The following PLPPR3 variants were observed in gnomAD, a reference collection of about 807,000 sequenced individuals.
PLPPR3 encodes the protein phospholipid phosphatase-related protein type 3.
Under a neutral mutation model 27.3 loss-of-function variants are expected in PLPPR3, and 14 were observed. That is an observed-to-expected ratio of 0.51 (90% CI 0.34 to 0.80). The LOEUF is 0.80. PLPPR3 is among the 30% of genes least tolerant of loss of function. PLPPR3 has a pLI of 0.01. For missense variants in PLPPR3, 1,287 were observed against 1,056.9 expected, an observed-to-expected ratio of 1.22 and a Z score of -3.02; for synonymous variants, 671 against 508.0, an observed-to-expected ratio of 1.32 and a Z score of -4.32.
intron 2 of PLPPR3, among the ~76,000 whole-genome samples, chr19:821,008 C>T (rs746656164): frequency 4.6e-5 from 7 of 152,212 alleles, no homozygotes; most frequent in African/African-American, 1.4e-4. Context: ...AACACGTTTC[C>T]GTATTCTGTA....
upstream of PLPPR3, among the ~76,000 whole-genome samples, chr19:822,348 G>C (rs2035161735): frequency 6.6e-6 from 1 of 151,672 alleles, no homozygotes; most frequent in Admixed American, 6.6e-5. Flanking sequence ...TGTCTCTCAC[G>C]GTCTCTCGCC....
At position 813,302 on chromosome 19, in the gene PLPPR3, C is replaced by A; in HGVS notation, c.1425G>T (p.Arg475=). ...GGATGACCCGAGGCCCCAGCCCCGG[C>A]CGCGCCTGCACGGTGGGGTAGAGCG... The part of the protein sequence containing the change: ...PPSLYPTVQA[R]PGLGPRVILP... The change falls in exon 8 of 8, where the codon CGG becomes CGT. Residue 475 remains arginine (R), a synonymous_variant. Coordinates refer to ENST00000520876, the MANE Select transcript of PLPPR3 (RefSeq NM_001270366.2). The surrounding 1 kb of genome is among the most constrained non-coding windows in gnomAD (Gnocchi z 4.1). 1.4e-6 allele frequency: 2 copies of A among 1,459,578 alleles called. No homozygotes were observed. Among genetic ancestry groups the A allele is most frequent in the South Asian group, 1.4e-5 (1 of 73,056 alleles). 90.4% of individuals were successfully genotyped at this position (1,459,578 alleles called of 1,614,324 possible). A position where few individuals can be genotyped will look rare whatever the true frequency, so the allele number is the denominator to read the frequency against.
chr19:816,090 C>T (rs1180787245), intron 2 of PLPPR3, among the ~76,000 whole-genome samples: 1 of 152,080 alleles, frequency 6.6e-6, no homozygotes, highest in Non-Finnish European at 1.5e-5. Flanking sequence ...CACCTATGCC[C>T]CCAACATCCA....
intron 2 of PLPPR3, among the ~76,000 whole-genome samples, chr19:819,298 C>CGA (rs2035111070): frequency 1.7e-5 from 1 of 59,708 alleles, no homozygotes; most frequent in Non-Finnish European, 2.8e-5. Flanking sequence ...TTTTTTTTTC[C>CGA]GAGATGGAGT....
In PLPPR3 at chr19:813,515, G is replaced by A. The variant is rs1386873666; in HGVS notation, c.1212C>T (p.Ser404=). The change falls in exon 8 of 8, where the codon TCC becomes TCT. Residue 404 remains serine (S), a synonymous_variant. Transcript: ENST00000520876. This position sits in a 1 kb window ranked among gnomAD's most constrained non-coding sequence, Gnocchi z 4.1. ...GCTTCCACTCGCTGATGAGCTGCTT[G>A]GAGCGCGAGGCGTCCAGCGGCACGT... ...TIHVPLDASR[S]KQLISEWKQK... is the part of the protein sequence containing the mutation. 103 of 1,557,984 alleles carry A rather than the reference G, an allele frequency of 6.6e-5. No individual in the cohort carries two copies. The highest frequency in any genetic ancestry group is 5.1e-4 in the Middle Eastern group (3 of 5,830).
intron 2 of PLPPR3, 125 bp downstream of exon 2, chr19:821,360 G>A (rs2035141507): frequency 1.4e-6 from 1 of 736,184 alleles, no homozygotes; most frequent in South Asian, 2.2e-5. Flanking sequence ...GGACACCCCG[G>A]TCCTGCCCCG....
chr19:818,577 A>C (rs1599262343), intron 2 of PLPPR3, among the ~76,000 whole-genome samples: 2 of 150,584 alleles, frequency 1.3e-5, no homozygotes, highest in African/African-American at 4.9e-5. Flanking sequence ...TCTGTCGCCC[A>C]GGCTGGAGTG....
chr19:814,526 C>A lies in PLPPR3; in HGVS notation c.739G>T (p.Val247Leu). 6.2e-7 allele frequency: 1 copy of A among 1,611,674 alleles called. No homozygotes were observed. Among genetic ancestry groups the A allele is most frequent in the Non-Finnish European group, 8.5e-7 (1 of 1,179,930 alleles). The change falls in exon 7 of 8, where the codon GTA (valine) becomes TTA (leucine). Residue 247 changes from valine to leucine, a missense_variant. Transcript: ENST00000520876. ...LVFAFAIAAGVCGLTQITQYR... is the reference protein window; with the variant it reads ...LVFAFAIAAGLCGLTQITQYR... ...TGCGTGATCTGCGTGAGCCCGCATA[C>A]GCCCGCGGCGATGGCAAAGGCGAAG...
In PLPPR3 at chr19:813,391, C is replaced by G. The variant is rs1419193589; in HGVS notation, c.1336G>C (p.Glu446Gln). The change falls in exon 8 of 8, where the codon GAG becomes CAG. Residue 446 changes from glutamate (E) to glutamine (Q), a missense_variant. Glu to Gln is a conservative substitution (Grantham distance 29, BLOSUM62 2). Transcript: ENST00000520876. The surrounding 1 kb of genome is among the most constrained non-coding windows in gnomAD (Gnocchi z 4.1). ...TCCTCCTCTTCCTCTTCGTCCTCCT[C>G]CTCTTCCTCCTCCTCCGCCATGGGT... is the stretch of plus-strand genomic sequence containing the variant. ...AEPMAEEEEE[E>Q]EDEEEEEEEE... 7.3e-6 allele frequency: 11 copies of G among 1,501,746 alleles called. No individual in the cohort carries two copies. The highest frequency in any genetic ancestry group is 9.7e-6 in the Non-Finnish European group (11 of 1,133,360). 93.0% of individuals were successfully genotyped at this position (1,501,746 alleles called of 1,614,324 possible). A position where few individuals can be genotyped will look rare whatever the true frequency, so the allele number is the denominator to read the frequency against.
rs200639651 is a variant in PLPPR3, at chr19:814,917, C to T, written c.568G>A (p.Gly190Ser). Residue 190 changes from glycine to serine, a missense_variant, in exon 5 of 8, where the codon GGC (glycine) becomes AGC (serine). By Grantham distance (56) the Gly-to-Ser change is moderately conservative. Coordinates refer to ENST00000520876, the MANE Select transcript of PLPPR3 (RefSeq NM_001270366.2). ...GACAGGATGGCGTGGATGTCGTGGC[C>T]GGAGCAGATGTCCTGCGTGATGTAG... is the stretch of plus-strand genomic sequence containing the variant. ...NPYITQDICS[G>S]HDIHAILSAR... The T allele has an allele frequency of 5.2e-5, 84 of 1,611,700 alleles. No homozygotes were observed. In the Admixed American group the frequency reaches 5.5e-4, roughly 11 times the overall value.
At chr19:814,406 C>G in intron 7 of PLPPR3, 28 bp downstream of exon 7, 1 of 1,568,258 alleles carries the variant, frequency 6.4e-7, no homozygotes, top group Non-Finnish European at 8.6e-7. Flanking sequence ...GGAACCCATG[C>G]CGACCCCCAT....
chr19:813,227 G>T lies in PLPPR3; in HGVS notation c.1500C>A (p.Gly500=). The change falls in exon 8 of 8, where the codon GGC becomes GGA. Residue 500 remains glycine (G), a synonymous_variant. Coordinates refer to ENST00000520876, the MANE Select transcript of PLPPR3 (RefSeq NM_001270366.2). This position sits in a 1 kb window ranked among gnomAD's most constrained non-coding sequence, Gnocchi z 4.1. ...PPPLVHIPEE[G]AQTGAGLSPK... ...GGGACAGGCCGGCCCCCGTCTGCGC[G>T]CCCTCCTCCGGGATGTGCACCAGCG... 1 of 1,485,450 alleles carries T rather than the reference G, an allele frequency of 6.7e-7. No homozygotes were observed. Among genetic ancestry groups the T allele is most frequent in the East Asian group, 2.8e-5 (1 of 36,312 alleles). 92.0% of individuals were successfully genotyped at this position (1,485,450 alleles called of 1,614,324 possible).
chr19:814,032 C>T (rs1599257502), intron 7 of PLPPR3, 137 bp from the exon 8 acceptor site: 6 of 817,062 alleles, frequency 7.3e-6, no homozygotes, highest in East Asian at 5.9e-5. Context: ...CGGTTCCCAC[C>T]CCAAGGTTGC....
At position 813,396 on chromosome 19, in the gene PLPPR3, T is replaced by A. The variant is rs2034980725; in HGVS notation, c.1331A>T (p.Glu444Val). 3 of 1,500,738 alleles carry A rather than the reference T, an allele frequency of 2.0e-6. No individual in the cohort carries two copies. The East Asian group carries it at 7.6e-5, about 38-fold the overall frequency. The allele number at this position is 1,500,738 out of a possible 1,614,324, so 93.0% of individuals were successfully genotyped here. The part of the protein sequence containing the change: ...APAEPMAEEE[E>V]EEEDEEEEEE... ...CTCTTCCTCTTCGTCCTCCTCCTCT[T>A]CCTCCTCCTCCGCCATGGGTTCGGC... is the stretch of plus-strand genomic sequence containing the variant. The change falls in exon 8 of 8, where the codon GAA becomes GTA. Residue 444 changes from glutamate (E) to valine (V), a missense_variant. Physicochemically the swap from Glu to Val is moderately radical, Grantham distance 121. Coordinates refer to ENST00000520876, the MANE Select transcript of PLPPR3 (RefSeq NM_001270366.2). The surrounding 1 kb of genome is among the most constrained non-coding windows in gnomAD (Gnocchi z 4.1).
rs2035016701 is a variant in PLPPR3 at position 814,539 on chromosome 19, G to A, written c.726C>T (p.Ala242=). 1 of 1,612,116 alleles carries A rather than the reference G, an allele frequency of 6.2e-7. No individual in the cohort carries two copies. The highest frequency in any genetic ancestry group is 1.6e-4 in the Middle Eastern group (1 of 6,062). The change falls in exon 7 of 8, where the codon GCC becomes GCT. Residue 242 remains alanine (A), a synonymous_variant. Transcript: ENST00000520876. ...TGAGCCCGCATACGCCCGCGGCGAT[G>A]GCAAAGGCGAAGACCAGGATGGGCT... ...LLKPILVFAF[A]IAAGVCGLTQ... is the part of the protein sequence containing the mutation.
In PLPPR3 at chr19:813,203, G is replaced by T; in HGVS notation, c.1524C>A (p.Ser508=). ...CGCGCACCCCGGCGCCGCTTTTGGG[G>T]GACAGGCCGGCCCCCGTCTGCGCGC... ...EEGAQTGAGL[S]PKSGAGVRAK... Residue 508 remains serine, a synonymous_variant, in exon 8 of 8, where the codon TCC becomes TCA. Transcript: ENST00000520876. The surrounding 1 kb of genome is among the most constrained non-coding windows in gnomAD (Gnocchi z 4.1). 6.7e-7 allele frequency: 1 copy of T among 1,503,516 alleles called. No individual in the cohort carries two copies. Among genetic ancestry groups the T allele is most frequent in the Non-Finnish European group, 8.8e-7 (1 of 1,138,094 alleles). The allele number at this position is 1,503,516 out of a possible 1,614,324, so 93.1% of individuals were successfully genotyped here.
At chr19:819,344 G>C (rs184902021) in intron 2 of PLPPR3, among the ~76,000 whole-genome samples, 2 of 142,656 alleles carry the variant, frequency 1.4e-5, no homozygotes, top group African/African-American at 5.4e-5. Flanking sequence ...GCAGTGGCGC[G>C]ATCTCGGCTA....
At position 812,886 on chromosome 19, in the gene PLPPR3, T is replaced by G; in HGVS notation, c.1841A>C (p.Glu614Ala). Residue 614 changes from glutamate to alanine, a missense_variant, in exon 8 of 8, where the codon GAG becomes GCG. By Grantham distance (107) the Glu-to-Ala change is moderately radical. Coordinates refer to ENST00000520876, the MANE Select transcript of PLPPR3 (RefSeq NM_001270366.2). ...WKAAGGGAKA[E>A]ADGGYELGDL... is the part of the protein sequence containing the mutation. Reference sequence around the variant, plus strand: ...CCCCAGCTCGTAGCCGCCGTCGGCCTCCGCCTTGGCCCCGCCGCCCGCCGC... The same window carrying G: ...CCCCAGCTCGTAGCCGCCGTCGGCCGCCGCCTTGGCCCCGCCGCCCGCCGC... The G allele has an allele frequency of 8.1e-7, 1 of 1,238,036 alleles. No individual in the cohort carries two copies. The highest frequency in any genetic ancestry group is 4.5e-5 in the Admixed American group (1 of 22,260). 76.7% of individuals were successfully genotyped at this position (1,238,036 alleles called of 1,614,324 possible).
At chr19:821,398 G>A (rs1198455704) in intron 2 of PLPPR3, 87 bp downstream of exon 2, 8 of 1,230,568 alleles carry the variant, frequency 6.5e-6, no homozygotes, top group Non-Finnish European at 4.4e-6. Flanking sequence ...GGGCAGCTGC[G>A]CCGGCTCCGG....
Sources: gnomAD v4.1 joint callset for allele counts (sites outside exome capture counted in the v4.1 genomes callset) on GRCh38, gnomAD v4.1.1 for gene constraint, Gnocchi (gnomAD v3.1) non-coding constraint, MANE v1.5 for transcripts, NCBI Gene and HGNC (gene_info 2026-07-23, HGNC 2026-07-21) for gene names.